PDIA5: variants seen among roughly 807,000 people sequenced by gnomAD.
PDIA5 encodes protein disulfide isomerase family A member 5, also known as protein disulfide-isomerase A5.
A neutral mutation model predicts 77.6 loss-of-function variants in PDIA5; 58 were observed. The ratio of observed to expected loss-of-function variants is 0.75; its 90% CI spans 0.61 to 0.93. The LOEUF is 0.93. PDIA5 is among the 40% of genes least tolerant of loss of function. PDIA5 has a pLI of 0.00. For missense variants in PDIA5, 630 were observed against 647.7 expected (o/e 0.97, Z 0.30); for synonymous variants, 250 against 252.1 (o/e 0.99, Z 0.08).
At chr3:123,119,843 C>T (rs1267153436) in intron 8 of PDIA5, among the ~76,000 whole-genome samples, 1 of 152,218 alleles carries the variant, frequency 6.6e-6, no homozygotes, top group East Asian at 1.9e-4. Flanking sequence ...GGGTCTGTCT[C>T]TGGCAAGGGT....
chr3:123,151,610 T>C (rs1003601361), intron 14 of PDIA5, among the ~76,000 whole-genome samples: 6 of 152,190 alleles, frequency 3.9e-5, no homozygotes, highest in African/African-American at 1.4e-4. Context: ...GGGGCCTTCA[T>C]AGCAGACATA....
At chr3:123,083,424 G>A (rs777682625) in intron 1 of PDIA5, among the ~76,000 whole-genome samples, 1 of 152,190 alleles carries the variant, frequency 6.6e-6, no homozygotes, top group Non-Finnish European at 1.5e-5. Flanking sequence ...CCCAGCCAGC[G>A]GGGGCAGCTC....
chr3:123,090,065 G>T (rs1188686629), intron 2 of PDIA5, among the ~76,000 whole-genome samples: 1 of 152,210 alleles, frequency 6.6e-6, no homozygotes, highest in Non-Finnish European at 1.5e-5. Flanking sequence ...GCCAGTTCCG[G>T]GCAAAGTTTT....
At position 123,124,169 on chromosome 3, in the gene PDIA5, A is replaced by T. The variant is rs754757623; in HGVS notation, c.701+12A>T. The T allele has an allele frequency of 2.9e-5, 46 of 1,609,002 alleles. 1 individual carries two copies. The South Asian group carries it at 4.8e-4, about 17-fold the overall frequency. On this transcript the variant is annotated intron_variant, in intron 9 of 16. Coordinates refer to ENST00000316218, the MANE Select transcript of PDIA5 (RefSeq NM_006810.4). ...ATCTGCTATTTTGAGTACGTCCCCC[A>T]CTTTCCTTCTAAAGCTCACCTCCCT... is the stretch of plus-strand genomic sequence containing the variant.
intron 5 of PDIA5, among the ~76,000 whole-genome samples, chr3:123,103,183 G>A (rs1934646130): frequency 6.6e-6 from 1 of 152,216 alleles, no homozygotes; most frequent in African/African-American, 2.4e-5. Context: ...TGGGCAGGTT[G>A]ACACCTTTGG....
intron 15 of PDIA5, among the ~76,000 whole-genome samples, chr3:123,159,408 T>C (rs935277451): frequency 1.3e-5 from 2 of 152,184 alleles, no homozygotes; most frequent in Non-Finnish European, 2.9e-5. Flanking sequence ...TAGGGGCCAG[T>C]CTGCTGGCCT....
intron 13 of PDIA5, among the ~76,000 whole-genome samples, chr3:123,149,917 A>T (rs889066114): frequency 6.6e-6 from 1 of 152,130 alleles, no homozygotes; most frequent in Non-Finnish European, 1.5e-5. Context: ...GTCCAAGCAG[A>T]GGTGCCTCTA....
intron 14 of PDIA5, among the ~76,000 whole-genome samples, chr3:123,150,816 G>A (rs1399629410): frequency 6.6e-6 from 1 of 152,032 alleles, no homozygotes; most frequent in Non-Finnish European, 1.5e-5. Context: ...ATTCGCTCCT[G>A]AGCTCCTGTG....
chr3:123,076,792 G>A (rs1933869723), intron 1 of PDIA5, among the ~76,000 whole-genome samples: 1 of 152,202 alleles, frequency 6.6e-6, no homozygotes, highest in South Asian at 2.1e-4. Context: ...GGCACACCAA[G>A]CTGGCGGTGA....
At chr3:123,152,090 T>A (rs1486393469) in intron 14 of PDIA5, among the ~76,000 whole-genome samples, 2 of 66,002 alleles carry the variant, frequency 3.0e-5, no homozygotes, top group African/African-American at 8.9e-5. Flanking sequence ...CCTTCCTTCC[T>A]GCCTTCCTGC....
chr3:123,152,891 C>G (rs1419737022), intron 14 of PDIA5, among the ~76,000 whole-genome samples: 2 of 152,228 alleles, frequency 1.3e-5, no homozygotes, highest in East Asian at 3.9e-4. Flanking sequence ...AATTGTCCAG[C>G]CTGTCCTCAG....
intron 8 of PDIA5, among the ~76,000 whole-genome samples, chr3:123,118,046 T>C (rs1935034171): frequency 1.3e-5 from 2 of 152,192 alleles, no homozygotes; most frequent in South Asian, 4.1e-4. Flanking sequence ...AATTAAGTGG[T>C]GATTAGCTCA....
At chr3:123,132,253 G>A (rs3792384) in intron 11 of PDIA5, among the ~76,000 whole-genome samples, 63,852 of 151,918 alleles carry the variant, frequency 0.42, 14,919 homozygotes, top group Admixed American at 0.53. Context: ...CAGAGCCTGA[G>A]CCCCAGTCTC....
chr3:123,087,668 A>G (rs1182749390), intron 1 of PDIA5, among the ~76,000 whole-genome samples: 3 of 151,560 alleles, frequency 2.0e-5, no homozygotes, highest in Non-Finnish European at 2.9e-5. Context: ...TTTCTTCTAC[A>G]TTTCATCTTT....
chr3:123,110,565 T>C (rs916465819), intron 6 of PDIA5, among the ~76,000 whole-genome samples: 2 of 152,108 alleles, frequency 1.3e-5, no homozygotes, highest in African/African-American at 2.4e-5. Context: ...TTCAACAGCC[T>C]CACGGGACAA....
chr3:123,137,951 G>A (rs1021236136), intron 11 of PDIA5, among the ~76,000 whole-genome samples: 1 of 151,976 alleles, frequency 6.6e-6, no homozygotes, highest in Non-Finnish European at 1.5e-5. Flanking sequence ...TGCCAGGTGG[G>A]AGGAAGGGAT....
At chr3:123,113,317 G>T (rs1934910359) in intron 7 of PDIA5, among the ~76,000 whole-genome samples, 1 of 152,182 alleles carries the variant, frequency 6.6e-6, no homozygotes, top group Non-Finnish European at 1.5e-5. Flanking sequence ...TGCACGGGCA[G>T]TTTGCGCCCG....
intron 11 of PDIA5, among the ~76,000 whole-genome samples, chr3:123,137,362 T>A (rs937930062): frequency 6.6e-6 from 1 of 152,238 alleles, no homozygotes; most frequent in Non-Finnish European, 1.5e-5. Context: ...TAGGTCTTTT[T>A]ATTTATTTGT....
intron 1 of PDIA5, among the ~76,000 whole-genome samples, chr3:123,078,933 T>G (rs1431381796): frequency 1.3e-5 from 2 of 152,202 alleles, no homozygotes; most frequent in Non-Finnish European, 2.9e-5. Flanking sequence ...TGCCATGTTT[T>G]CCCACTGTAA....
Sources: gnomAD v4.1 joint callset for allele counts (sites outside exome capture counted in the v4.1 genomes callset) on GRCh38, gnomAD v4.1.1 for gene constraint, MANE v1.5 for transcripts, NCBI Gene and HGNC (gene_info 2026-07-23, HGNC 2026-07-21) for gene names.